Variants in CNTNAP2 observed in about 807,000 individuals in gnomAD.
The protein encoded by CNTNAP2 is contactin associated protein 2.
Under a neutral mutation model 155.2 loss-of-function variants are expected in CNTNAP2, and 98 were observed. The observed-to-expected ratio is 0.63, with a 90% CI of 0.54 to 0.75. The LOEUF (loss-of-function observed/expected upper bound fraction) is 0.75, where lower values mean the gene tolerates loss of function less well. Among genes scored for constraint, CNTNAP2 ranks in the 30% least tolerant of loss-of-function variants. The pLI, the probability that CNTNAP2 is intolerant of heterozygous loss-of-function variation, is 0.00. For synonymous variants in CNTNAP2, 651 were observed against 631.2 expected, an observed-to-expected ratio of 1.03 and a Z score of -0.47; for missense variants, 1,727 against 1,688.1, an observed-to-expected ratio of 1.02 and a Z score of -0.40.
intron 4 of CNTNAP2, among the ~76,000 whole-genome samples, chr7:147,075,585 A>G (rs961170127): frequency 6.6e-6 from 1 of 152,198 alleles, no homozygotes; most frequent in African/African-American, 2.4e-5. Flanking sequence ...ATGAAATACC[A>G]TAACATTTTT....
At chr7:147,917,264 C>T (rs1346884859) in intron 14 of CNTNAP2, among the ~76,000 whole-genome samples, 1 of 152,182 alleles carries the variant, frequency 6.6e-6, no homozygotes, top group African/African-American at 2.4e-5. Context: ...TTTGATTTTG[C>T]AATTTCCTGA....
intron 1 of CNTNAP2, among the ~76,000 whole-genome samples, chr7:146,442,323 A>G (rs927735801): frequency 2.0e-5 from 3 of 151,594 alleles, no homozygotes; most frequent in Admixed American, 1.3e-4. Flanking sequence ...TACTTAAAAT[A>G]TACTATGATA....
At chr7:147,656,573 C>T (rs572650314) in intron 13 of CNTNAP2, among the ~76,000 whole-genome samples, 5 of 152,156 alleles carry the variant, frequency 3.3e-5, no homozygotes, top group South Asian at 2.1e-4. Context: ...TCAGAACTCA[C>T]ATAATTATCA....
chr7:147,676,964 A>G (rs1795878198), intron 13 of CNTNAP2, among the ~76,000 whole-genome samples: 1 of 151,972 alleles, frequency 6.6e-6, no homozygotes, highest in African/African-American at 2.4e-5. Flanking sequence ...ATAATGCTGC[A>G]GCGAACGTGA....
intron 19 of CNTNAP2, among the ~76,000 whole-genome samples, chr7:148,224,814 C>A (rs1795817749): frequency 6.6e-6 from 1 of 152,148 alleles, no homozygotes; most frequent in Non-Finnish European, 1.5e-5. Flanking sequence ...GCACGTCCTT[C>A]TTCACATGGC....
intron 1 of CNTNAP2, among the ~76,000 whole-genome samples, chr7:146,424,880 A>G (rs1344915259): frequency 6.6e-6 from 1 of 152,226 alleles, no homozygotes; most frequent in Admixed American, 6.5e-5. Context: ...CTATGTAGTC[A>G]TTAAAACACT....
intron 14 of CNTNAP2, among the ~76,000 whole-genome samples, chr7:147,954,154 C>T (rs1800982207): frequency 6.6e-6 from 1 of 152,100 alleles, no homozygotes; most frequent in African/African-American, 2.4e-5. Flanking sequence ...GTCCAGTGTA[C>T]TATGGAGAGA....
At chr7:148,211,609 C>G (rs988642467) in intron 18 of CNTNAP2, among the ~76,000 whole-genome samples, 13 of 152,308 alleles carry the variant, frequency 8.5e-5, no homozygotes, top group Admixed American at 7.8e-4. Context: ...TTCCCTCCCC[C>G]TCAAGCCAGT....
intron 3 of CNTNAP2, among the ~76,000 whole-genome samples, chr7:146,964,105 A>G (rs1001032357): frequency 2.0e-5 from 3 of 152,162 alleles, no homozygotes; most frequent in African/African-American, 7.2e-5. Flanking sequence ...TTAAAGTCCT[A>G]TTTGTGATCC....
chr7:148,400,605 T>C (rs148857835), intron 22 of CNTNAP2, among the ~76,000 whole-genome samples: 1 of 152,312 alleles, frequency 6.6e-6, no homozygotes, highest in African/African-American at 2.4e-5. Flanking sequence ...AATACCTACA[T>C]ATAACCTACA....
At chr7:146,252,436 C>T (rs1037660253) in intron 1 of CNTNAP2, among the ~76,000 whole-genome samples, 1 of 152,112 alleles carries the variant, frequency 6.6e-6, no homozygotes, top group East Asian at 1.9e-4. Context: ...TTTATATGAC[C>T]GCCCTGACAG....
chr7:147,660,537 A>G (rs1046022327), intron 13 of CNTNAP2, among the ~76,000 whole-genome samples: 3 of 152,228 alleles, frequency 2.0e-5, no homozygotes, highest in African/African-American at 7.2e-5. Context: ...ATTTTAGTAT[A>G]AAAACATTTA....
intron 3 of CNTNAP2, among the ~76,000 whole-genome samples, chr7:146,905,972 G>C (rs1389502153): frequency 6.6e-6 from 1 of 152,214 alleles, no homozygotes; most frequent in Admixed American, 6.5e-5. Context: ...GAAGCAGGGC[G>C]AGGCATTGCC....
rs149177550 is a variant in CNTNAP2 at position 146,938,115 on chromosome 7, T to C, written c.402+98211T>C. Among the ~76,000 whole-genome samples, 75 of 152,190 alleles carry C rather than the reference T, an allele frequency of 4.9e-4. 1 individual carries two copies. In the East Asian group the frequency reaches 0.013, roughly 26 times the overall value. ...TTAATCTATAACAAAGATAAGTGAA[T>C]TGAAGGGGTAAGATGTCTGATCTCT... On this transcript the variant is annotated intron_variant, in intron 3 of 23. Coordinates refer to ENST00000361727, the MANE Select transcript of CNTNAP2 (RefSeq NM_014141.6).
intron 1 of CNTNAP2, among the ~76,000 whole-genome samples, chr7:146,246,912 G>A (rs1333070948): frequency 2.6e-5 from 4 of 152,208 alleles, no homozygotes; most frequent in Non-Finnish European, 4.4e-5. Context: ...GGAAGTTCTT[G>A]TGTGCTGGAG....
Position 147,532,352 on chromosome 7 carries a change from C to G in CNTNAP2, c.1778-29786C>G, listed in dbSNP as rs189334752. Among the ~76,000 whole-genome samples the G allele has an allele frequency of 3.9e-5, 6 of 152,322 alleles. No homozygotes were observed. In the East Asian group the frequency reaches 1.2e-3, roughly 29 times the overall value. Reference sequence around the variant, plus strand: ...AACATAACAAAACTTACCTTTGATCCTGTTCCCAATAATTTCCTCATCTCC... The same window carrying G: ...AACATAACAAAACTTACCTTTGATCGTGTTCCCAATAATTTCCTCATCTCC... On this transcript the variant is annotated intron_variant, in intron 11 of 23. Coordinates refer to ENST00000361727, the MANE Select transcript of CNTNAP2 (RefSeq NM_014141.6).
chr7:146,372,005 G>GT (rs1378094388), intron 1 of CNTNAP2, among the ~76,000 whole-genome samples: 2 of 151,290 alleles, frequency 1.3e-5, no homozygotes, highest in Non-Finnish European at 2.9e-5. Flanking sequence ...TTAAAAATAT[G>GT]TTATCGTTTT....
chr7:147,726,074 A>G (rs1796637038), intron 13 of CNTNAP2, among the ~76,000 whole-genome samples: 1 of 152,028 alleles, frequency 6.6e-6, no homozygotes, highest in Admixed American at 6.6e-5. Flanking sequence ...CAGTATGGCG[A>G]TAGAGAATAG....
At chr7:146,845,850 G>A (rs1404070361) in intron 3 of CNTNAP2, among the ~76,000 whole-genome samples, 2 of 152,132 alleles carry the variant, frequency 1.3e-5, no homozygotes, top group African/African-American at 4.8e-5. Context: ...TGCAGTGCTT[G>A]TAACAAATTA....
Sources: gnomAD v4.1 joint callset for allele counts (sites outside exome capture counted in the v4.1 genomes callset) on GRCh38, gnomAD v4.1.1 for gene constraint, MANE v1.5 for transcripts, NCBI Gene and HGNC (gene_info 2026-07-23, HGNC 2026-07-21) for gene names.